The following USP30 variants were observed in gnomAD, a reference collection of about 807,000 sequenced individuals.
The protein encoded by USP30 is ubiquitin specific peptidase 30.
Under a neutral mutation model 68.2 loss-of-function variants are expected in USP30, and 41 were observed. The observed-to-expected ratio is 0.60, with a 90% confidence interval of 0.47 to 0.78. The LOEUF (loss-of-function observed/expected upper bound fraction) is 0.78, where lower values mean the gene tolerates loss of function less well. Ranked by LOEUF, USP30 falls within the 30% of genes least tolerant of loss-of-function variation. USP30 has a pLI of 0.00. For synonymous variants in USP30, 229 were observed against 253.7 expected (o/e 0.90, Z 0.93); for missense variants, 522 against 649.4 (o/e 0.80, Z 2.13).
intron 7 of USP30, among the ~76,000 whole-genome samples, chr12:109,080,645 A>G (rs974906718): frequency 1.3e-5 from 2 of 152,340 alleles, no homozygotes; most frequent in South Asian, 4.1e-4. Context: ...AATTTATTAA[A>G]CCATTTGCTA....
intron 6 of USP30, among the ~76,000 whole-genome samples, chr12:109,072,662 A>G (rs1001129271): frequency 2.6e-5 from 4 of 152,198 alleles, no homozygotes; most frequent in African/African-American, 9.6e-5. Context: ...CAGCATTTCC[A>G]GTGCTGCCAA....
At chr12:109,080,744 A>G (rs1359296879) in intron 7 of USP30, among the ~76,000 whole-genome samples, 1 of 152,216 alleles carries the variant, frequency 6.6e-6, no homozygotes, top group Non-Finnish European at 1.5e-5. Context: ...AGATTATAAT[A>G]CTTTATTGGT....
chr12:109,044,913 T>C (rs2040591186), intron 3 of USP30, among the ~76,000 whole-genome samples: 1 of 151,008 alleles, frequency 6.6e-6, no homozygotes, highest in African/African-American at 2.5e-5. Context: ...GCTTTATTAA[T>C]CTGATGGGGG....
chr12:109,023,628 C>CT (rs1179349331), intron 1 of USP30, among the ~76,000 whole-genome samples: 1,664 of 72,706 alleles, frequency 0.023, 263 homozygotes, highest in African/African-American at 0.058. Flanking sequence ...TTAATCAGGA[C>CT]TTTTTTTTTT....
At chr12:109,079,007 C>G (rs1173955458) in intron 7 of USP30, among the ~76,000 whole-genome samples, 6 of 152,158 alleles carry the variant, frequency 3.9e-5, no homozygotes, top group Admixed American at 3.9e-4. Context: ...TCTGCTTACA[C>G]TGCTTACAAA....
At chr12:109,076,138 A>C (rs2041596179) in intron 7 of USP30, among the ~76,000 whole-genome samples, 1 of 152,124 alleles carries the variant, frequency 6.6e-6, no homozygotes, top group South Asian at 2.1e-4. Flanking sequence ...TAAGTTGACT[A>C]TTCATCTCTT....
At chr12:109,083,589 C>T (rs1349919338) in intron 11 of USP30, among the ~76,000 whole-genome samples, 3 of 152,090 alleles carry the variant, frequency 2.0e-5, no homozygotes, top group South Asian at 2.1e-4. Flanking sequence ...GGAGGCTCCA[C>T]GGGGTTGAAT....
intron 6 of USP30, among the ~76,000 whole-genome samples, 177 bp from the exon 7 acceptor site, chr12:109,073,261 A>G (rs761460531): frequency 1.4e-4 from 22 of 152,230 alleles, no homozygotes; most frequent in Non-Finnish European, 2.6e-4. Context: ...AAATTCTCCT[A>G]TGAAGGAATG....
Position 109,061,986 on chromosome 12 carries a change from AGTGCAGTG to A in USP30, c.376+3886_376+3893del, listed in dbSNP as rs1241294388. 5.3e-5 allele frequency among the ~76,000 whole-genome samples: 8 copies of A among 152,252 alleles called. No homozygotes were observed. In the East Asian group the frequency reaches 1.5e-3, roughly 29 times the overall value. Reference sequence around the variant, plus strand: ...GGAGACAGGGTCTCACCCAAGCTGAAGTGCAGTGGTGCAGTCTCGGCTCACTGCACCTC... The same window carrying A: ...GGAGACAGGGTCTCACCCAAGCTGAAGTGCAGTCTCGGCTCACTGCACCTC... On this transcript the variant is annotated intron_variant, in intron 3 of 12. Transcript: ENST00000257548.
intron 2 of USP30, among the ~76,000 whole-genome samples, chr12:109,057,272 G>GA (rs1306268946): frequency 6.6e-6 from 1 of 151,906 alleles, no homozygotes; most frequent in Non-Finnish European, 1.5e-5. Flanking sequence ...AAGAAAGAAA[G>GA]AAGAATGTGG....
chr12:109,064,699 C>G (rs2041192029), intron 3 of USP30, among the ~76,000 whole-genome samples: 1 of 152,176 alleles, frequency 6.6e-6, no homozygotes, highest in Non-Finnish European at 1.5e-5. Flanking sequence ...TATACATATC[C>G]CTTTATGCAC....
At position 109,052,620 on chromosome 12, in the gene USP30, T is replaced by TG; in HGVS notation, c.-59_-58insG. 1.1e-6 allele frequency: 1 copy of TG among 881,972 alleles called. No individual in the cohort carries two copies. Among genetic ancestry groups the TG allele is most frequent in the Non-Finnish European group, 1.6e-6 (1 of 642,474 alleles). The allele number at this position is 881,972 out of a possible 1,614,324, so 54.6% of individuals were successfully genotyped here. On this transcript the variant is annotated 5_prime_UTR_variant, in exon 1 of 13. Transcript: ENST00000257548. ...TCTCGGGAACCGTCGTATCCCTCGG[T>TG]CCGGCGGCGGCGGCGGCGGTAGCGG... is the stretch of plus-strand genomic sequence containing the variant.
At chr12:109,032,411 A>G (rs1477724068) in intron 3 of USP30, among the ~76,000 whole-genome samples, 1 of 152,272 alleles carries the variant, frequency 6.6e-6, no homozygotes, top group Middle Eastern at 3.2e-3. Flanking sequence ...AATGATATGA[A>G]TGGATAAACA....
intron 5 of USP30, among the ~76,000 whole-genome samples, chr12:109,072,096 ATGT>A (rs2041461007): frequency 6.6e-6 from 1 of 152,172 alleles, no homozygotes; most frequent in Non-Finnish European, 1.5e-5. Context: ...GAGAAGAAAT[ATGT>A]TTCTATTGCA....
intron 7 of USP30, among the ~76,000 whole-genome samples, chr12:109,078,117 C>T (rs1048841907): frequency 8.6e-5 from 13 of 152,034 alleles, no homozygotes; most frequent in South Asian, 4.1e-4. Flanking sequence ...GAACCTCCTC[C>T]GTACAATTTT....
intron 3 of USP30, among the ~76,000 whole-genome samples, chr12:109,045,513 G>A (rs985264379): frequency 6.6e-6 from 1 of 152,122 alleles, no homozygotes; most frequent in Admixed American, 6.6e-5. Context: ...TTAAGACACA[G>A]GCCTTAGAAT....
rs143994170 is a variant in USP30, at chr12:109,030,082, C to T, written c.-136+2526C>T. The stretch of plus-strand genomic sequence containing the variant: ...ATGTTCACCTTCTTCCTGCAAGTTA[C>T]GCTGTAAGATTAAGGCAGGGAACCT... On this transcript the variant is annotated intron_variant, in intron 3 of 15. Transcript: ENST00000392784. Among the ~76,000 whole-genome samples the T allele has an allele frequency of 1.8e-3, 269 of 152,302 alleles. 1 individual carries two copies. Among genetic ancestry groups the T allele is most frequent in the African/African-American group, 6.2e-3 (259 of 41,568 alleles).
chr12:109,071,682 C>T lies in USP30; in HGVS notation c.551C>T (p.Thr184Ile). The change falls in exon 5 of 13, where the codon ACA becomes ATA. Residue 184 changes from threonine (T) to isoleucine (I), a missense_variant. Thr to Ile is a moderately conservative substitution (Grantham distance 89). Transcript: ENST00000257548. Reference protein sequence around the residue: ...EDERDRQPRVTHLFDVHSLEQ... With the variant: ...EDERDRQPRVIHLFDVHSLEQ... ...GAGCGAGACCGCCAGCCTCGGGTCA[C>T]ACATTTGTTTGATGTGCATTCCCTG... is the stretch of plus-strand genomic sequence containing the variant. 6.2e-7 allele frequency: 1 copy of T among 1,614,172 alleles called. No individual in the cohort carries two copies. Among genetic ancestry groups the T allele is most frequent in the East Asian group, 2.2e-5 (1 of 44,876 alleles).
chr12:109,056,835 G>A, intron 2 of USP30, 44 bp downstream of exon 2: 1 of 1,396,650 alleles, frequency 7.2e-7, no homozygotes, highest in Non-Finnish European at 9.8e-7. Context: ...ACTTGACCCA[G>A]ATCCCTGTTA....
Sources: allele counts gnomAD v4.1 joint callset (sites outside exome capture counted in the v4.1 genomes callset), GRCh38; gene constraint gnomAD v4.1.1; transcripts MANE v1.5; gene names NCBI Gene and HGNC (gene_info 2026-07-23, HGNC 2026-07-21).